The following LRP1B variants were observed in gnomAD, a reference collection of about 807,000 sequenced individuals.
LRP1B encodes the protein LDL receptor related protein 1B, also known as low-density lipoprotein receptor-related protein 1B.
A neutral mutation model predicts 556.6 loss-of-function variants in LRP1B; 217 were observed. That is an observed-to-expected ratio of 0.39 (90% CI 0.35 to 0.44). LRP1B has a LOEUF of 0.44. Ranked by LOEUF, LRP1B falls within the 20% of genes least tolerant of loss-of-function variation. The probability of loss-of-function intolerance (pLI) is 1.00; values close to 1 mark genes in which losing one functional copy is unlikely to be tolerated. For missense variants in LRP1B, 5,053 were observed against 5,620.8 expected (o/e 0.90, Z 3.23); for synonymous variants, 2,047 against 1,865.8 (o/e 1.10, Z -2.50).
intron 2 of LRP1B, among the ~76,000 whole-genome samples, chr2:141,610,172 T>G (rs911452013): frequency 6.6e-6 from 1 of 152,036 alleles, no homozygotes; most frequent in Non-Finnish European, 1.5e-5. Context: ...CAAGAAACCC[T>G]ATTTCGTGGG....
chr2:140,473,649 G>A (rs1291165026), intron 60 of LRP1B, among the ~76,000 whole-genome samples: 1 of 151,690 alleles, frequency 6.6e-6, no homozygotes, highest in Non-Finnish European at 1.5e-5. Flanking sequence ...TCAAATGAAA[G>A]GCAAATATTT....
intron 1 of LRP1B, among the ~76,000 whole-genome samples, chr2:141,962,664 C>T (rs984776885): frequency 5.9e-5 from 9 of 151,722 alleles, no homozygotes; most frequent in Middle Eastern, 3.4e-3. Flanking sequence ...AAGAGTATGG[C>T]GAGAGACTCA....
intron 3 of LRP1B, among the ~76,000 whole-genome samples, chr2:141,409,890 G>T (rs981306390): frequency 6.6e-6 from 1 of 151,906 alleles, no homozygotes; most frequent in African/African-American, 2.4e-5. Context: ...AAGAGAGAAT[G>T]CTTGGCAAGA....
chr2:140,737,391 C>A (rs1039319883), intron 35 of LRP1B, among the ~76,000 whole-genome samples: 1 of 152,068 alleles, frequency 6.6e-6, no homozygotes, highest in Non-Finnish European at 1.5e-5. Context: ...CATCATTGAC[C>A]CCTATATTAC....
intron 1 of LRP1B, among the ~76,000 whole-genome samples, chr2:142,033,630 T>C (rs941729825): frequency 5.9e-5 from 9 of 151,720 alleles, no homozygotes; most frequent in African/African-American, 1.9e-4. Context: ...CTGGTCATAG[T>C]TGTTTCATTC....
intron 66 of LRP1B, among the ~76,000 whole-genome samples, chr2:140,432,928 G>A (rs1686015409): frequency 6.6e-6 from 1 of 152,094 alleles, no homozygotes; most frequent in Non-Finnish European, 1.5e-5. Flanking sequence ...AATAGAAACA[G>A]ATTCTACACT....
intron 82 of LRP1B, among the ~76,000 whole-genome samples, chr2:140,317,779 A>T (rs1406931339): frequency 6.6e-6 from 1 of 152,064 alleles, no homozygotes. Flanking sequence ...TTCTATGAAA[A>T]CCACAAGGAT....
rs1688604215 is a variant in LRP1B, at chr2:141,624,015, C to CAAAAAAAAAAAAAATAAACAAA, written c.206-143483_206-143482insTTTGTTTATTTTTTTTTTTTTT. 1.9e-4 allele frequency among the ~76,000 whole-genome samples: 2 copies of CAAAAAAAAAAAAAATAAACAAA among 10,768 alleles called. 1 individual carries two copies. The highest frequency in any genetic ancestry group is 8.1e-4 in the Non-Finnish European group (2 of 2,466). 7.1% of individuals were successfully genotyped at this position (10,768 alleles called of 152,430 possible). A position where few individuals can be genotyped will look rare whatever the true frequency, so the allele number is the denominator to read the frequency against. On this transcript the variant is annotated intron_variant, in intron 2 of 90. Coordinates refer to ENST00000389484, the MANE Select transcript of LRP1B (RefSeq NM_018557.3). ...TGGGCAACAGAGCAGAACTCCAACTCAAAAAAAAAAAAAAATTAAACAAAA... is the reference window on the plus strand; with the variant it reads ...TGGGCAACAGAGCAGAACTCCAACTCAAAAAAAAAAAAAATAAACAAAAAAAAAAAAAAAAAATTAAACAAAA...
At chr2:140,858,438 T>C (rs1692683653) in intron 27 of LRP1B, among the ~76,000 whole-genome samples, 3 of 150,140 alleles carry the variant, frequency 2.0e-5, no homozygotes, top group Non-Finnish European at 3.0e-5. Flanking sequence ...GTATAACCTC[T>C]ATCCTACATT....
intron 2 of LRP1B, among the ~76,000 whole-genome samples, chr2:141,750,565 T>G (rs2105565812): frequency 6.6e-6 from 1 of 152,202 alleles, no homozygotes; most frequent in African/African-American, 2.4e-5. Flanking sequence ...TATTCACACC[T>G]CAAAAGAAAA....
In LRP1B at chr2:140,564,870, A is replaced by T. The variant is rs200524953; in HGVS notation, c.7195-22899T>A. On this transcript the variant is annotated intron_variant, in intron 43 of 90. Coordinates refer to ENST00000389484, the MANE Select transcript of LRP1B (RefSeq NM_018557.3). ...AGGAGCTTAAGATATACTAAGTTTT[A>T]GCATTTCAGCATAACTTAAAGCCAC... Among the ~76,000 whole-genome samples, 4 of 152,124 alleles carry T rather than the reference A, an allele frequency of 2.6e-5. No individual in the cohort carries two copies. The East Asian group carries it at 7.7e-4, about 29-fold the overall frequency.
intron 3 of LRP1B, among the ~76,000 whole-genome samples, chr2:141,392,430 T>A (rs2104907976): frequency 7.0e-6 from 1 of 142,254 alleles, no homozygotes; most frequent in African/African-American, 2.6e-5. Context: ...GTCCTGCCAG[T>A]ATGTTTCCAT....
chr2:140,744,094 T>C (rs1688239132), intron 35 of LRP1B, among the ~76,000 whole-genome samples: 1 of 149,470 alleles, frequency 6.7e-6, no homozygotes, highest in Non-Finnish European at 1.5e-5. Flanking sequence ...GGTTATAAGA[T>C]AAACAGGTTC....
chr2:141,630,565 T>C (rs901387632), intron 2 of LRP1B, among the ~76,000 whole-genome samples: 3 of 152,206 alleles, frequency 2.0e-5, no homozygotes, highest in African/African-American at 7.2e-5. Context: ...GAATACAATT[T>C]AAAAGCTATA....
intron 7 of LRP1B, among the ~76,000 whole-genome samples, chr2:141,098,788 G>T (rs991907579): frequency 1.3e-5 from 2 of 152,184 alleles, no homozygotes; most frequent in Non-Finnish European, 2.9e-5. Flanking sequence ...CTCCGAAGTA[G>T]CTGGGATTAC....
chr2:141,407,267 AT>A (rs1353259210), intron 3 of LRP1B, among the ~76,000 whole-genome samples: 4 of 152,164 alleles, frequency 2.6e-5, no homozygotes, highest in Non-Finnish European at 5.9e-5. Context: ...AATAATAGAA[AT>A]GTTAAGATGT....
intron 1 of LRP1B, among the ~76,000 whole-genome samples, chr2:141,878,474 C>T (rs1440353420): frequency 1.3e-5 from 2 of 151,140 alleles, no homozygotes; most frequent in Non-Finnish European, 2.9e-5. Context: ...AACAGGACCA[C>T]ATTAAATTAA....
intron 2 of LRP1B, among the ~76,000 whole-genome samples, chr2:141,667,331 G>T (rs1427424841): frequency 6.6e-6 from 1 of 152,070 alleles, no homozygotes; most frequent in Non-Finnish European, 1.5e-5. Flanking sequence ...TTCTTGCATT[G>T]TTGTTTATTA....
intron 2 of LRP1B, among the ~76,000 whole-genome samples, chr2:141,505,195 C>G (rs1159426952): frequency 6.6e-6 from 1 of 151,458 alleles, no homozygotes; most frequent in Non-Finnish European, 1.5e-5. Context: ...CAGCACTTCT[C>G]AGAGTCTATA....
Sources: gnomAD v4.1 joint callset for allele counts (sites outside exome capture counted in the v4.1 genomes callset) on GRCh38, gnomAD v4.1.1 for gene constraint, MANE v1.5 for transcripts, NCBI Gene and HGNC (gene_info 2026-07-23, HGNC 2026-07-21) for gene names.